The following HPSE2 variants were observed in gnomAD, a reference collection of about 807,000 sequenced individuals.
HPSE2 encodes the protein inactive heparanase-2.
A neutral mutation model predicts 60.5 loss-of-function variants in HPSE2; 38 were observed. The ratio of observed to expected loss-of-function variants is 0.63; its 90% confidence interval spans 0.48 to 0.82. The LOEUF is 0.82. Among genes scored for constraint, HPSE2 ranks in the 40% least tolerant of loss-of-function variants. The probability of loss-of-function intolerance (pLI) is 0.00; values close to 1 mark genes in which losing one functional copy is unlikely to be tolerated. For synonymous variants in HPSE2, 295 were observed against 293.2 expected, an observed-to-expected ratio of 1.01 and a Z score of -0.06; for missense variants, 713 against 740.4, an observed-to-expected ratio of 0.96 and a Z score of 0.43.
intron 3 of HPSE2, among the ~76,000 whole-genome samples, chr10:99,132,547 T>G (rs1845484336): frequency 6.6e-6 from 1 of 151,992 alleles, no homozygotes; most frequent in South Asian, 2.1e-4. Context: ...GGTACCTGGT[T>G]CATCGCATTG....
chr10:99,287,869 A>T, the HPSE2 span, among the ~76,000 whole-genome samples: 1 of 152,208 alleles, frequency 6.6e-6, no homozygotes, highest in Non-Finnish European at 1.5e-5. Context: ...AATAGTTTAT[A>T]CTAAAAATGG....
intron 3 of HPSE2, among the ~76,000 whole-genome samples, chr10:98,883,195 A>G (rs1953073446): frequency 6.6e-6 from 1 of 152,032 alleles, no homozygotes; most frequent in South Asian, 2.1e-4. Context: ...AGGAATATAC[A>G]TTTTGGCACA....
chr10:99,022,035 T>TC (rs541358079), intron 3 of HPSE2, among the ~76,000 whole-genome samples: 3,121 of 93,584 alleles, frequency 0.033, 69 homozygotes, highest in South Asian at 0.047. Context: ...ATGCTATCCC[T>TC]CCCCCCTCCC....
chr10:98,871,982 A>G (rs1952744092), intron 3 of HPSE2, among the ~76,000 whole-genome samples: 1 of 152,168 alleles, frequency 6.6e-6, no homozygotes, highest in Non-Finnish European at 1.5e-5. Context: ...CTACCAATTT[A>G]CTTCTTTGTC....
rs1363159782 is a variant in HPSE2, at chr10:98,928,736, G to C, written c.611-184680C>G. On this transcript the variant is annotated intron_variant, in intron 3 of 11. Coordinates refer to ENST00000370552, the MANE Select transcript of HPSE2 (RefSeq NM_021828.5). ...CATCATTCTCAGTAAACTATCGCAA[G>C]AACAAAAAACCAAACACCGCATATT... Among the ~76,000 whole-genome samples the C allele has an allele frequency of 3.0e-5, 4 of 134,424 alleles. No homozygotes were observed. In the Admixed American group the frequency reaches 3.0e-4, roughly 10 times the overall value. The allele number at this position is 134,424 out of a possible 152,430, so 88.2% of individuals were successfully genotyped here.
At chr10:99,120,477 AT>A (rs34044256) in intron 3 of HPSE2, among the ~76,000 whole-genome samples, 10,870 of 147,610 alleles carry the variant, frequency 0.074, 601 homozygotes, top group Admixed American at 0.17. Flanking sequence ...AGCCATTCTA[AT>A]TTTTTTTTTT....
At chr10:99,014,922 T>A (rs947945929) in intron 3 of HPSE2, among the ~76,000 whole-genome samples, 1 of 152,142 alleles carries the variant, frequency 6.6e-6, no homozygotes, top group Admixed American at 6.5e-5. Context: ...AATCTACTCA[T>A]CTGACAAAGG....
the HPSE2 span, among the ~76,000 whole-genome samples, chr10:99,264,149 G>A: frequency 6.4e-5 from 7 of 109,496 alleles, no homozygotes; most frequent in East Asian, 7.7e-4. Context: ...GTGTGGTGGC[G>A]CTATCTCGGT....
chr10:99,132,196 AGAGAGAGAGAGAGAGAGAGAG>A (rs1845441361), intron 3 of HPSE2, among the ~76,000 whole-genome samples: 8 of 43,506 alleles, frequency 1.8e-4, no homozygotes, highest in African/African-American at 6.8e-4. Flanking sequence ...AAAGAAAGAG[AGAGAGAGAGAGAGAGAGAGAG>A]AGAGAGAGAG....
chr10:98,612,718 C>T (rs1945795813), intron 9 of HPSE2, among the ~76,000 whole-genome samples: 1 of 152,198 alleles, frequency 6.6e-6, no homozygotes, highest in South Asian at 2.1e-4. Flanking sequence ...GTGAACTGTA[C>T]ATTGTTAAGT....
intron 4 of HPSE2, among the ~76,000 whole-genome samples, chr10:98,742,792 T>TACATACAC (rs1554982787): frequency 1.4e-5 from 2 of 147,240 alleles, no homozygotes; most frequent in East Asian, 2.0e-4. Flanking sequence ...CACACATACA[T>TACATACAC]ACACACACAC....
chr10:98,578,943 T>A (rs1224415726), intron 9 of HPSE2, among the ~76,000 whole-genome samples: 1 of 152,230 alleles, frequency 6.6e-6, no homozygotes, highest in Non-Finnish European at 1.5e-5. Context: ...TGTCTCAATC[T>A]GAGCTGAGAG....
intron 9 of HPSE2, among the ~76,000 whole-genome samples, chr10:98,518,061 G>C (rs544420872): frequency 6.6e-6 from 1 of 152,206 alleles, no homozygotes; most frequent in Non-Finnish European, 1.5e-5. Context: ...GGTGAGAAGA[G>C]GTAACACTGG....
intron 3 of HPSE2, among the ~76,000 whole-genome samples, chr10:99,114,990 T>C (rs1844624499): frequency 6.6e-6 from 1 of 151,930 alleles, no homozygotes; most frequent in South Asian, 2.1e-4. Context: ...TGCTTGTTTG[T>C]TTTGTTTTAT....
chr10:98,875,531 A>G (rs966629721), intron 3 of HPSE2, among the ~76,000 whole-genome samples: 1 of 151,986 alleles, frequency 6.6e-6, no homozygotes, highest in African/African-American at 2.4e-5. Flanking sequence ...TGAGGCAGTA[A>G]TTAATAGCCT....
At chr10:98,633,251 T>G (rs1364686285) in intron 7 of HPSE2, among the ~76,000 whole-genome samples, 1 of 152,174 alleles carries the variant, frequency 6.6e-6, no homozygotes, top group African/African-American at 2.4e-5. Context: ...CAGGCTGGAG[T>G]GCAGTGGCAG....
intron 9 of HPSE2, among the ~76,000 whole-genome samples, chr10:98,604,931 G>C (rs1246653280): frequency 6.6e-6 from 1 of 152,146 alleles, no homozygotes; most frequent in Non-Finnish European, 1.5e-5. Flanking sequence ...AGAACTCCTG[G>C]TCTTCCAGTA....
intron 2 of HPSE2, among the ~76,000 whole-genome samples, chr10:99,208,359 T>C (rs529187786): frequency 2.3e-4 from 35 of 152,180 alleles, no homozygotes; most frequent in Non-Finnish European, 4.7e-4. Context: ...ATAGTTACCT[T>C]GAATGTAAAT....
rs959754773 is a variant in HPSE2 at position 98,949,203 on chromosome 10, TA to T, written c.610+195034del. 1.5e-4 allele frequency among the ~76,000 whole-genome samples: 23 copies of T among 151,430 alleles called. No homozygotes were observed. In the Middle Eastern group the frequency reaches 0.014, roughly 90 times the overall value. ...ATTTTTGTTTCTAACAATAATCCTT[TA>T]AAAAAAAAGTGTAATCCTCCAACAC... On this transcript the variant is annotated intron_variant, in intron 3 of 11. Transcript: ENST00000370552.
Sources: allele counts gnomAD v4.1 joint callset (sites outside exome capture counted in the v4.1 genomes callset), GRCh38; gene constraint gnomAD v4.1.1; transcripts MANE v1.5; gene names NCBI Gene and HGNC (gene_info 2026-07-23, HGNC 2026-07-21).